The following UST variants were observed in gnomAD, a reference collection of about 807,000 sequenced individuals.
The protein encoded by UST is chondroitin sulfate 2-O-sulfotransferase.
UST carries 21 observed loss-of-function variants against 45.6 expected under a neutral mutation model. The observed-to-expected ratio is 0.46, with a 90% CI of 0.33 to 0.66. The LOEUF is 0.66. Ranked by LOEUF, UST falls within the 30% of genes least tolerant of loss-of-function variation. UST has a pLI of 0.02. For missense variants in UST, 463 were observed against 512.4 expected (o/e 0.90, Z 0.93); for synonymous variants, 215 against 200.6 (o/e 1.07, Z -0.61).
chr6:148,917,096 T>C (rs1351922395), intron 2 of UST, among the ~76,000 whole-genome samples: 1 of 152,190 alleles, frequency 6.6e-6, no homozygotes, highest in African/African-American at 2.4e-5. Context: ...TAGGCAGGGC[T>C]TGGAGGCTGT....
At chr6:148,753,995 ATTT>A (rs1276566371) in intron 1 of UST, among the ~76,000 whole-genome samples, 3 of 137,820 alleles carry the variant, frequency 2.2e-5, no homozygotes, top group African/African-American at 5.4e-5. Context: ...CATTTTGCTG[ATTT>A]TTTTTTTTTT....
chr6:149,023,672 A>G (rs1017447534), intron 7 of UST, among the ~76,000 whole-genome samples: 1 of 152,184 alleles, frequency 6.6e-6, no homozygotes, highest in Non-Finnish European at 1.5e-5. Context: ...AACACACACC[A>G]TTCACAGGAT....
At chr6:148,892,057 A>G (rs1281101289) in intron 2 of UST, among the ~76,000 whole-genome samples, 1 of 152,230 alleles carries the variant, frequency 6.6e-6, no homozygotes, top group Non-Finnish European at 1.5e-5. Context: ...CTTCCTCTTG[A>G]ACGACTGACT....
rs770670199 is a variant in UST at position 149,043,015 on chromosome 6, C to CTTTCTTTCTTTCTTTCTT, written c.937+21541_937+21542insCTTTCTTTCTTTTTCTTT. 3.8e-3 allele frequency among the ~76,000 whole-genome samples: 451 copies of CTTTCTTTCTTTCTTTCTT among 119,700 alleles called. 2 individuals carry two copies. The highest frequency in any genetic ancestry group is 4.9e-3 in the African/African-American group (133 of 27,016). 78.5% of individuals were successfully genotyped at this position (119,700 alleles called of 152,430 possible). A position where few individuals can be genotyped will look rare whatever the true frequency, so the allele number is the denominator to read the frequency against. On this transcript the variant is annotated intron_variant, in intron 7 of 7. Transcript: ENST00000367463. ...TCTTTCTTTCTTTCTTTCTTTCTTT[C>CTTTCTTTCTTTCTTTCTT]TTTCTTTTTCTTTCTTTCTTTCTTT... is the stretch of plus-strand genomic sequence containing the variant.
Position 149,019,253 on chromosome 6 carries a change from G to A in UST, c.779+17G>A, listed in dbSNP as rs749932942. 1.2e-6 allele frequency: 2 copies of A among 1,601,968 alleles called. No homozygotes were observed. Among genetic ancestry groups the A allele is most frequent in the South Asian group, 2.2e-5 (2 of 90,806 alleles). Reference sequence around the variant, plus strand: ...CAGATGCAGGTAAGGGCTAAAGCAGGGTCATGGCATGCACGTACGCACAAC... The same window carrying A: ...CAGATGCAGGTAAGGGCTAAAGCAGAGTCATGGCATGCACGTACGCACAAC... On this transcript the variant is annotated intron_variant, in intron 6 of 7. Coordinates refer to ENST00000367463, the MANE Select transcript of UST (RefSeq NM_005715.3).
chr6:148,918,207 C>T (rs1274376734), intron 2 of UST, among the ~76,000 whole-genome samples: 2 of 152,190 alleles, frequency 1.3e-5, no homozygotes, highest in Non-Finnish European at 2.9e-5. Context: ...ATCAATTGGA[C>T]TTTGGTTTCT....
intron 1 of UST, among the ~76,000 whole-genome samples, chr6:148,869,148 CT>C (rs1337868921): frequency 6.6e-6 from 1 of 152,194 alleles, no homozygotes; most frequent in Non-Finnish European, 1.5e-5. Context: ...TTCAGCCTAT[CT>C]TTGGAAAGGA....
At chr6:148,762,524 C>T (rs1341414051) in intron 1 of UST, among the ~76,000 whole-genome samples, 2 of 149,854 alleles carry the variant, frequency 1.3e-5, no homozygotes, top group Non-Finnish European at 3.0e-5. Context: ...GGTTGCTGGG[C>T]AGGCTTCTAT....
chr6:148,869,630 G>A (rs764450955), intron 1 of UST, among the ~76,000 whole-genome samples: 9 of 152,184 alleles, frequency 5.9e-5, no homozygotes, highest in Non-Finnish European at 1.2e-4. Context: ...GACCGACGCT[G>A]GCATCAAACG....
intron 1 of UST, among the ~76,000 whole-genome samples, chr6:148,775,988 T>G (rs995905195): frequency 6.6e-6 from 1 of 152,234 alleles, no homozygotes; most frequent in South Asian, 2.1e-4. Flanking sequence ...TATATTTGAT[T>G]GTTATTGCTA....
intron 5 of UST, among the ~76,000 whole-genome samples, chr6:149,000,248 T>G (rs544461226): frequency 6.6e-6 from 1 of 152,154 alleles, no homozygotes; most frequent in Non-Finnish European, 1.5e-5. Context: ...GCTAGAGATA[T>G]ACAGAGGTGG....
intron 5 of UST, among the ~76,000 whole-genome samples, chr6:148,969,122 T>C (rs1780863743): frequency 1.3e-5 from 2 of 152,258 alleles, no homozygotes; most frequent in Admixed American, 6.5e-5. Context: ...GAATGTCCTT[T>C]AACTTTGAAA....
chr6:149,036,035 GA>G (rs1476705729), intron 7 of UST, among the ~76,000 whole-genome samples: 3 of 152,210 alleles, frequency 2.0e-5, no homozygotes, highest in African/African-American at 7.2e-5. Flanking sequence ...AACAGGCGCT[GA>G]AGGTTCTCAC....
chr6:148,969,663 C>T lies in UST; in HGVS notation c.681+5100C>T, dbSNP rs117059553. On this transcript the variant is annotated intron_variant, in intron 5 of 7. Coordinates refer to ENST00000367463, the MANE Select transcript of UST (RefSeq NM_005715.3). ...CTGGCTCCACATGACCTAAAGGGGC[C>T]ATTTTTCCTCCAGACCTGGAGCTCC... Among the ~76,000 whole-genome samples, 799 of 152,250 alleles carry T rather than the reference C, an allele frequency of 5.2e-3. 6 individuals carry two copies. Among genetic ancestry groups the T allele is most frequent in the Middle Eastern group, 0.044 (13 of 294 alleles).
Position 149,052,567 on chromosome 6 carries a change from C to T in UST, c.938-21266C>T, listed in dbSNP as rs565926414. Among the ~76,000 whole-genome samples, 9 of 148,984 alleles carry T rather than the reference C, an allele frequency of 6.0e-5. No homozygotes were observed. The South Asian group carries it at 1.9e-3, about 32-fold the overall frequency. On this transcript the variant is annotated intron_variant, in intron 7 of 7. Coordinates refer to ENST00000367463, the MANE Select transcript of UST (RefSeq NM_005715.3). Reference sequence around the variant, plus strand: ...CAACCCAGGCCCAGGTGACTTGCAACCCCGTGCTCGTAAGCTCTTAACTGG... The same window carrying T: ...CAACCCAGGCCCAGGTGACTTGCAATCCCGTGCTCGTAAGCTCTTAACTGG...
chr6:148,839,205 T>C (rs946626391), intron 1 of UST, among the ~76,000 whole-genome samples: 1 of 152,204 alleles, frequency 6.6e-6, no homozygotes, highest in African/African-American at 2.4e-5. Context: ...TAGTGCTAAG[T>C]GCCGTGTATA....
intron 2 of UST, among the ~76,000 whole-genome samples, chr6:148,932,146 G>A (rs998726164): frequency 2.9e-4 from 44 of 152,284 alleles, no homozygotes; most frequent in African/African-American, 9.6e-4. Context: ...TTCAGAAGCC[G>A]AGGCAGGTGA....
intron 1 of UST, among the ~76,000 whole-genome samples, chr6:148,802,119 G>A (rs1314701889): frequency 2.6e-5 from 4 of 152,150 alleles, no homozygotes; most frequent in South Asian, 2.1e-4. Flanking sequence ...GTCCCCATGC[G>A]GGGCAAATGC....
At chr6:148,777,438 T>C (rs1482035552) in intron 1 of UST, among the ~76,000 whole-genome samples, 1 of 152,256 alleles carries the variant, frequency 6.6e-6, no homozygotes, top group Non-Finnish European at 1.5e-5. Flanking sequence ...TTGACTTTTA[T>C]TGTATAGTCA....
Sources: gnomAD v4.1 joint callset for allele counts (sites outside exome capture counted in the v4.1 genomes callset) on GRCh38, gnomAD v4.1.1 for gene constraint, MANE v1.5 for transcripts, NCBI Gene and HGNC (gene_info 2026-07-23, HGNC 2026-07-21) for gene names.